Variants in PTCSC3 observed in about 807,000 individuals in gnomAD.
The protein encoded by PTCSC3 is papillary thyroid carcinoma susceptibility candidate 3, also known as papillary thyroid carcinoma susceptibility candidate 3 (non-protein coding).
At chr14:36,146,554 G>A (rs895390031) in intron 3 of PTCSC3, among the ~76,000 whole-genome samples, 2 of 152,048 alleles carry the variant, frequency 1.3e-5, no homozygotes, top group Non-Finnish European at 2.9e-5. Flanking sequence ...GCCTATGTGT[G>A]TCTCTGCACA....
At chr14:36,136,374 G>C (rs1881287793) in intron 3 of PTCSC3, 1 of 152,222 alleles carries the variant, frequency 6.6e-6, no homozygotes, top group Non-Finnish European at 1.5e-5. Context: ...GAAAGGACAG[G>C]ATGAGGATTA....
intron 2 of PTCSC3, among the ~76,000 whole-genome samples, chr14:36,156,271 T>C (rs148917367): frequency 4.9e-4 from 74 of 152,314 alleles, no homozygotes; most frequent in Middle Eastern, 3.4e-3. Flanking sequence ...TAACAATATA[T>C]GCATGCACAC....
intron 3 of PTCSC3, among the ~76,000 whole-genome samples, chr14:36,152,297 A>G (rs981680905): frequency 2.0e-5 from 3 of 152,306 alleles, no homozygotes; most frequent in African/African-American, 7.2e-5. Flanking sequence ...TCATCAAAAG[A>G]CATCAAGAAA....
At chr14:36,175,607 C>A (rs1882269131) in intron 1 of PTCSC3, among the ~76,000 whole-genome samples, 1 of 152,090 alleles carries the variant, frequency 6.6e-6, no homozygotes, top group Non-Finnish European at 1.5e-5. Context: ...CCGACAGAAG[C>A]ATGTAGTTTT....
At chr14:36,172,417 T>C (rs1202827503) in intron 1 of PTCSC3, among the ~76,000 whole-genome samples, 1 of 152,002 alleles carries the variant, frequency 6.6e-6, no homozygotes, top group East Asian at 1.9e-4. Flanking sequence ...TTTTCTTAAA[T>C]TAACAGGAAA....
intron 1 of PTCSC3, among the ~76,000 whole-genome samples, chr14:36,171,745 G>T (rs773343125): frequency 6.6e-6 from 1 of 152,168 alleles, no homozygotes; most frequent in Non-Finnish European, 1.5e-5. Context: ...AAAGCAGAAG[G>T]TCTGTTTAAG....
chr14:36,152,152 ATAG>A (rs1052703545), intron 3 of PTCSC3, among the ~76,000 whole-genome samples: 19 of 152,230 alleles, frequency 1.2e-4, no homozygotes, highest in Non-Finnish European at 2.4e-4. Context: ...AAAAGGTAAA[ATAG>A]TAGAATTTCT....
At chr14:36,156,081 G>A (rs1204874527) in intron 2 of PTCSC3, among the ~76,000 whole-genome samples, 1 of 152,124 alleles carries the variant, frequency 6.6e-6, no homozygotes, top group Non-Finnish European at 1.5e-5. Context: ...ATGTCACATT[G>A]TCCAAAACTG....
intron 3 of PTCSC3, among the ~76,000 whole-genome samples, chr14:36,139,119 T>TAAAAAAAA (rs370864635): frequency 5.6e-4 from 60 of 106,514 alleles, no homozygotes; most frequent in Non-Finnish European, 8.0e-4. Context: ...ATCTCAAAAA[T>TAAAAAAAA]AAAAAAAAAA....
At chr14:36,165,793 A>C (rs2139110452) in intron 1 of PTCSC3, among the ~76,000 whole-genome samples, 1 of 150,070 alleles carries the variant, frequency 6.7e-6, no homozygotes, top group South Asian at 2.1e-4. Context: ...AATGAAACTA[A>C]TGATTTAGGG....
intron 3 of PTCSC3, among the ~76,000 whole-genome samples, chr14:36,148,388 G>A (rs1057099005): frequency 2.1e-4 from 32 of 152,172 alleles, no homozygotes; most frequent in East Asian, 1.2e-3. Context: ...TAAGCCTGTC[G>A]GAAAAGCGCA....
chr14:36,155,195 T>A (rs930376871), intron 2 of PTCSC3, among the ~76,000 whole-genome samples: 2 of 152,216 alleles, frequency 1.3e-5, no homozygotes, highest in Non-Finnish European at 2.9e-5. Context: ...AAGAATTCAC[T>A]ATTGAAACTC....
chr14:36,162,285 A>AAAAAC (rs1566509723), intron 2 of PTCSC3, among the ~76,000 whole-genome samples: 3 of 139,170 alleles, frequency 2.2e-5, no homozygotes, highest in Admixed American at 7.1e-5. Flanking sequence ...AAAAAAAAAA[A>AAAAAC]CTCCTGCAGC....
intron 2 of PTCSC3, among the ~76,000 whole-genome samples, chr14:36,162,237 TC>T (rs1004989750): frequency 2.2e-5 from 3 of 134,298 alleles, no homozygotes; most frequent in African/African-American, 9.1e-5. Flanking sequence ...TCACTGGCGT[TC>T]CAGGAGCTGC....
intron 3 of PTCSC3, among the ~76,000 whole-genome samples, chr14:36,139,906 CATA>C (rs1385244603): frequency 1.3e-5 from 2 of 152,136 alleles, no homozygotes; most frequent in Non-Finnish European, 2.9e-5. Context: ...TTGACAAATG[CATA>C]ATATCAGGTA....
intron 2 of PTCSC3, among the ~76,000 whole-genome samples, chr14:36,159,978 A>G (rs1881919929): frequency 6.6e-6 from 1 of 152,148 alleles, no homozygotes; most frequent in African/African-American, 2.4e-5. Context: ...CCATTATGTA[A>G]TGGCCTTCTT....
intron 1 of PTCSC3, among the ~76,000 whole-genome samples, chr14:36,168,412 T>C (rs1882136534): frequency 6.8e-6 from 1 of 146,226 alleles, no homozygotes; most frequent in African/African-American, 2.6e-5. Context: ...ACTTTTTGTG[T>C]GGCTGCAGAA....
chr14:36,153,479 C>A (rs1015906855), intron 3 of PTCSC3, among the ~76,000 whole-genome samples: 23 of 152,188 alleles, frequency 1.5e-4, no homozygotes, highest in Non-Finnish European at 2.5e-4. Context: ...GATGTTGACA[C>A]CCACAGTGTT....
At chr14:36,146,261 G>T (rs1003781375) in intron 3 of PTCSC3, among the ~76,000 whole-genome samples, 2 of 147,876 alleles carry the variant, frequency 1.4e-5, no homozygotes, top group African/African-American at 5.0e-5. Flanking sequence ...TGACAGTGGG[G>T]TGTTTAAGTC....
Sources: gnomAD v4.1 joint callset for allele counts (sites outside exome capture counted in the v4.1 genomes callset) on GRCh38, gnomAD v4.1.1 for gene constraint, MANE v1.5 for transcripts, NCBI Gene and HGNC (gene_info 2026-07-23, HGNC 2026-07-21) for gene names.